Variants in ABCA5 observed in about 807,000 individuals in gnomAD.
ABCA5 encodes the protein cholesterol transporter ABCA5.
A neutral mutation model predicts 206.0 loss-of-function variants in ABCA5; 163 were observed. The observed-to-expected ratio is 0.79, with a 90% CI of 0.70 to 0.90. ABCA5 has a LOEUF of 0.90. Among genes scored for constraint, ABCA5 ranks in the 40% least tolerant of loss-of-function variants. The pLI is 0.00. For synonymous variants in ABCA5, 609 were observed against 613.8 expected, an observed-to-expected ratio of 0.99 and a Z score of 0.11; for missense variants, 1,859 against 1,912.9, an observed-to-expected ratio of 0.97 and a Z score of 0.53.
Position 69,287,818 on chromosome 17 carries a change from G to A in ABCA5, c.1903-67C>T. The A allele has an allele frequency of 5.6e-6, 8 of 1,419,994 alleles. No homozygotes were observed. The South Asian group carries it at 1.1e-4, about 19-fold the overall frequency. 88.0% of individuals were successfully genotyped at this position (1,419,994 alleles called of 1,614,324 possible). A position where few individuals can be genotyped will look rare whatever the true frequency, so the allele number is the denominator to read the frequency against. The stretch of plus-strand genomic sequence containing the variant: ...AAACTAAATATTAAACAGGCATGTG[G>A]ACACTAAAAAACTGCCCCATTTCAA... On this transcript the variant is annotated intron_variant, in intron 14 of 38. Transcript: ENST00000392676.
At chr17:69,295,738 G>C (rs779706611) in intron 10 of ABCA5, among the ~76,000 whole-genome samples, 1 of 152,032 alleles carries the variant, frequency 6.6e-6, no homozygotes, top group African/African-American at 2.4e-5. Context: ...TGTTAAAATA[G>C]ACTAATATCT....
intron 31 of ABCA5, 120 bp downstream of exon 31, chr17:69,255,423 C>A: frequency 1.7e-6 from 1 of 600,452 alleles, no homozygotes. Flanking sequence ...TCAGGCTGTA[C>A]AAAAAATTCT....
rs1555577662 is a variant in ABCA5, at chr17:69,271,660, C to CACCGCTGCTGCTGCTGCT, written c.2765-372_2765-371insAGCAGCAGCAGCAGCGGT. The stretch of plus-strand genomic sequence containing the variant: ...TTTTAGCTGCTGCTGCTGCTGCTGC[C>CACCGCTGCTGCTGCTGCT]ACCACTGCTGCTGCTGCTACAACTA... On this transcript the variant is annotated intron_variant, in intron 20 of 38. Coordinates refer to ENST00000392676, the MANE Select transcript of ABCA5 (RefSeq NM_172232.4). Among the ~76,000 whole-genome samples the CACCGCTGCTGCTGCTGCT allele has an allele frequency of 6.6e-5, 10 of 151,976 alleles. No individual in the cohort carries two copies. The South Asian group carries it at 1.2e-3, about 19-fold the overall frequency.
At chr17:69,269,180 T>C (rs920489358) in intron 22 of ABCA5, among the ~76,000 whole-genome samples, 5 of 152,206 alleles carry the variant, frequency 3.3e-5, no homozygotes, top group Admixed American at 6.5e-5. Flanking sequence ...GTAATAGTTA[T>C]GGATACAGAC....
chr17:69,304,713 T>C lies in ABCA5; in HGVS notation c.886A>G (p.Ser296Gly). ...TASLLFPQSSSIVIFLLFFLY... is the reference protein window; with the variant it reads ...TASLLFPQSSGIVIFLLFFLY... ...AAAAAAAGCAGAAATATCACAATGC[T>C]GCTACTTTGAGGAAATAACAAAGAA... The change falls in exon 7 of 39, where the codon AGC (serine) becomes GGC (glycine). Residue 296 changes from serine to glycine, a missense_variant. Physicochemically the swap from Ser to Gly is moderately conservative, Grantham distance 56. Coordinates refer to ENST00000392676, the MANE Select transcript of ABCA5 (RefSeq NM_172232.4). 4.4e-6 allele frequency: 7 copies of C among 1,608,852 alleles called. No homozygotes were observed. The highest frequency in any genetic ancestry group is 2.5e-6 in the Non-Finnish European group (3 of 1,177,600).
Position 69,289,841 on chromosome 17 carries a change from A to G in ABCA5, c.1782+21T>C, listed in dbSNP as rs767868408. 22 of 1,545,620 alleles carry G rather than the reference A, an allele frequency of 1.4e-5. No individual in the cohort carries two copies. The Admixed American group carries it at 4.3e-4, about 30-fold the overall frequency. On this transcript the variant is annotated intron_variant, in intron 13 of 38. Coordinates refer to ENST00000392676, the MANE Select transcript of ABCA5 (RefSeq NM_172232.4). ...TTGATTACAGGAAATAAAAGTAAAG[A>G]TTTCTATATGAATAGCATACTTCTT...
intron 28 of ABCA5, among the ~76,000 whole-genome samples, chr17:69,257,774 T>TA (rs942893305): frequency 6.7e-6 from 1 of 149,966 alleles, no homozygotes; most frequent in African/African-American, 2.5e-5. Flanking sequence ...AGAGAAAAAA[T>TA]ACACTTTTGA....
intron 18 of ABCA5, among the ~76,000 whole-genome samples, chr17:69,281,117 T>TA (rs1192841062): frequency 1.3e-5 from 2 of 151,748 alleles, no homozygotes; most frequent in African/African-American, 4.8e-5. Flanking sequence ...ATGGCAAGAA[T>TA]AAAATACTAC....
chr17:69,255,514 A>C, intron 31 of ABCA5, 29 bp downstream of exon 31: 2 of 1,301,580 alleles, frequency 1.5e-6, no homozygotes, highest in Non-Finnish European at 2.0e-6. Context: ...AATCACATTC[A>C]ACATATCCTA....
At chr17:69,268,640 T>C (rs2075237562) in intron 22 of ABCA5, 1 of 152,180 alleles carries the variant, frequency 6.6e-6, no homozygotes, top group South Asian at 2.1e-4. Flanking sequence ...AAATGCAGAT[T>C]ACCCAAGTCC....
intron 5 of ABCA5, 58 bp from the exon 6 acceptor site, chr17:69,307,012 T>C (rs2075724916): frequency 1.6e-6 from 2 of 1,263,378 alleles, no homozygotes; most frequent in Non-Finnish European, 2.1e-6. Context: ...CAGCCCCTAG[T>C]AAAACGGGAC....
chr17:69,269,070 T>C (rs2075242566), intron 22 of ABCA5, among the ~76,000 whole-genome samples: 1 of 152,216 alleles, frequency 6.6e-6, no homozygotes, highest in Non-Finnish European at 1.5e-5. Flanking sequence ...AATACGACTA[T>C]ATATGAATAG....
At chr17:69,256,036 C>A in intron 29 of ABCA5, 121 bp downstream of exon 29, 1 of 1,329,986 alleles carries the variant, frequency 7.5e-7, no homozygotes. Context: ...TATTTTTTTC[C>A]AAGAAAGATT....
intron 3 of ABCA5, 33 bp from the exon 4 acceptor site, chr17:69,309,456 C>T: frequency 1.4e-6 from 2 of 1,417,728 alleles, no homozygotes; most frequent in South Asian, 2.8e-5. Context: ...AGTTAGCTCA[C>T]AAATTAAAAT....
intron 12 of ABCA5, among the ~76,000 whole-genome samples, chr17:69,290,439 C>A (rs1016786652): frequency 5.9e-5 from 9 of 152,082 alleles, no homozygotes; most frequent in African/African-American, 1.4e-4. Context: ...TAAATTCCAG[C>A]TTTCCTTTTT....
At chr17:69,278,072 C>CACATGT (rs1207181599) in intron 18 of ABCA5, among the ~76,000 whole-genome samples, 2 of 151,990 alleles carry the variant, frequency 1.3e-5, no homozygotes, top group African/African-American at 4.8e-5. Flanking sequence ...TTCACCAAAA[C>CACATGT]ACATGTACAA....
At chr17:69,290,732 G>A (rs1265048249) in intron 12 of ABCA5, among the ~76,000 whole-genome samples, 2 of 152,016 alleles carry the variant, frequency 1.3e-5, no homozygotes, top group South Asian at 2.1e-4. Flanking sequence ...TCATAATATG[G>A]AGCTACTATA....
intron 8 of ABCA5, among the ~76,000 whole-genome samples, chr17:69,302,222 A>G (rs1256715843): frequency 6.6e-6 from 1 of 152,190 alleles, no homozygotes; most frequent in Non-Finnish European, 1.5e-5. Context: ...GACTAATAAA[A>G]ATAATATTTG....
intron 19 of ABCA5, among the ~76,000 whole-genome samples, chr17:69,275,180 A>C (rs2075317702): frequency 6.6e-6 from 1 of 152,116 alleles, no homozygotes; most frequent in African/African-American, 2.4e-5. Flanking sequence ...AATATTTTAG[A>C]TATAGAGAAG....
Sources: gnomAD v4.1 joint callset for allele counts (sites outside exome capture counted in the v4.1 genomes callset) on GRCh38, gnomAD v4.1.1 for gene constraint, MANE v1.5 for transcripts, NCBI Gene and HGNC (gene_info 2026-07-23, HGNC 2026-07-21) for gene names.